Variants in PRDM1 observed in about 807,000 individuals in gnomAD.
The protein encoded by PRDM1 is PR/SET domain 1.
In PRDM1, 13 loss-of-function variants were observed where a neutral mutation model predicts 62.8. The ratio of observed to expected loss-of-function variants is 0.21; its 90% CI spans 0.13 to 0.33. The LOEUF is 0.33. Ranked by LOEUF, PRDM1 falls within the 10% of genes least tolerant of loss-of-function variation. PRDM1 has a pLI of 1.00. For missense variants in PRDM1, 895 were observed against 1,058.8 expected (o/e 0.85, Z 2.15); for synonymous variants, 396 against 417.6 (o/e 0.95, Z 0.63).
intron 4 of PRDM1, 99 bp downstream of exon 4, chr6:106,099,651 G>A: frequency 6.7e-7 from 1 of 1,488,192 alleles, no homozygotes; most frequent in South Asian, 1.3e-5. Context: ...GCTTTGTCAT[G>A]TGTTGGATGA....
At chr6:106,052,590 C>T (rs1773194970) in intron 1 of PRDM1, among the ~76,000 whole-genome samples, 1 of 152,086 alleles carries the variant, frequency 6.6e-6, no homozygotes, top group African/African-American at 2.4e-5. Context: ...GGAAGACAGA[C>T]TGTCTCCTTG....
chr6:106,100,551 T>C (rs1738097849), intron 4 of PRDM1: 1 of 152,224 alleles, frequency 6.6e-6, no homozygotes, highest in African/African-American at 2.4e-5. Flanking sequence ...GTTCTCATTT[T>C]CACCTTTGAG....
At chr6:106,002,500 G>A (rs942047690) in intron 1 of PRDM1, among the ~76,000 whole-genome samples, 8 of 152,006 alleles carry the variant, frequency 5.3e-5, no homozygotes, top group Non-Finnish European at 1.0e-4. Flanking sequence ...GGATTCTTTC[G>A]TCCTTAAGGC....
chr6:106,097,383 A>G (rs1168641412), intron 3 of PRDM1, among the ~76,000 whole-genome samples: 1 of 152,274 alleles, frequency 6.6e-6, no homozygotes, highest in East Asian at 1.9e-4. Flanking sequence ...ACTGTAAGTA[A>G]CTGAAAGGCT....
At chr6:106,048,829 A>AC in intron 1 of PRDM1, among the ~76,000 whole-genome samples, 1 of 145,990 alleles carries the variant, frequency 6.8e-6, no homozygotes, top group East Asian at 2.0e-4. Flanking sequence ...AATGCCTTCC[A>AC]TTTTTTTTTT....
At chr6:106,008,239 GGC>G in intron 1 of PRDM1, among the ~76,000 whole-genome samples, 1 of 152,278 alleles carries the variant, frequency 6.6e-6, no homozygotes, top group East Asian at 1.9e-4. Flanking sequence ...TGGGCGTGGT[GGC>G]GCGCGCCTGT....
chr6:106,094,779 T>C (rs377571551), intron 2 of PRDM1, among the ~76,000 whole-genome samples: 2 of 152,162 alleles, frequency 1.3e-5, no homozygotes, highest in East Asian at 1.9e-4. Flanking sequence ...GGTGCATGCC[T>C]GTAGTCCCAG....
At chr6:106,072,594 C>T (rs1773536172) in intron 1 of PRDM1, among the ~76,000 whole-genome samples, 1 of 152,248 alleles carries the variant, frequency 6.6e-6, no homozygotes, top group Admixed American at 6.5e-5. Context: ...CCTAATAAAA[C>T]TCAAGACCCG....
intron 1 of PRDM1, among the ~76,000 whole-genome samples, chr6:106,022,660 A>G (rs1403800756): frequency 2.0e-5 from 3 of 151,926 alleles, no homozygotes; most frequent in Non-Finnish European, 4.4e-5. Flanking sequence ...CCTGAGTTCA[A>G]GTGATCTGCC....
chr6:106,004,504 A>G (rs1225638749), intron 1 of PRDM1, among the ~76,000 whole-genome samples: 1 of 152,224 alleles, frequency 6.6e-6, no homozygotes, highest in African/African-American at 2.4e-5. Context: ...AAATATTTAC[A>G]GGCTGAAATA....
intron 1 of PRDM1, among the ~76,000 whole-genome samples, chr6:106,019,785 G>C (rs980580574): frequency 2.6e-5 from 4 of 151,532 alleles, no homozygotes; most frequent in African/African-American, 9.7e-5. Flanking sequence ...GAATACAGGC[G>C]CCCGCCACCA....
chr6:106,007,724 G>A (rs1240643999), intron 1 of PRDM1, among the ~76,000 whole-genome samples: 1 of 152,104 alleles, frequency 6.6e-6, no homozygotes, highest in African/African-American at 2.4e-5. Flanking sequence ...GTCCCTTGAG[G>A]TTAGCTAACA....
intron 1 of PRDM1, among the ~76,000 whole-genome samples, chr6:106,012,455 A>G (rs1412260155): frequency 2.0e-5 from 3 of 150,320 alleles, no homozygotes; most frequent in Non-Finnish European, 4.4e-5. Flanking sequence ...TCACATGCAT[A>G]TCACACCCCT....
chr6:106,091,868 T>G (rs1773970802), intron 2 of PRDM1, among the ~76,000 whole-genome samples: 1 of 151,976 alleles, frequency 6.6e-6, no homozygotes, highest in African/African-American at 2.4e-5. Context: ...AAAAATGAGG[T>G]GATTGCAGGC....
intron 1 of PRDM1, among the ~76,000 whole-genome samples, chr6:106,000,398 T>C (rs1247232181): frequency 6.6e-6 from 1 of 152,146 alleles, no homozygotes; most frequent in Non-Finnish European, 1.5e-5. Flanking sequence ...CTGTGAGCTA[T>C]GATAGTGCCT....
chr6:106,024,633 G>A (rs1238317780), intron 1 of PRDM1, among the ~76,000 whole-genome samples: 2 of 152,122 alleles, frequency 1.3e-5, no homozygotes, highest in Admixed American at 6.5e-5. Context: ...AGTCACATAA[G>A]ACAGTGTGGA....
At chr6:106,091,164 C>T (rs928419221) in intron 2 of PRDM1, among the ~76,000 whole-genome samples, 5 of 152,078 alleles carry the variant, frequency 3.3e-5, no homozygotes, top group East Asian at 3.8e-4. Flanking sequence ...ATTTTAGAAG[C>T]GTTACCCTGT....
At chr6:106,023,534 A>G (rs1772726269) in intron 1 of PRDM1, among the ~76,000 whole-genome samples, 1 of 152,142 alleles carries the variant, frequency 6.6e-6, no homozygotes, top group Admixed American at 6.5e-5. Flanking sequence ...CCCCTCCTCT[A>G]GGAAGCTTTA....
At chr6:106,009,183 G>A (rs1273475123) in intron 1 of PRDM1, among the ~76,000 whole-genome samples, 1 of 152,240 alleles carries the variant, frequency 6.6e-6, no homozygotes, top group Non-Finnish European at 1.5e-5. Flanking sequence ...GACAAAAGAT[G>A]TTTGAAGCAA....
Sources: allele counts gnomAD v4.1 joint callset (sites outside exome capture counted in the v4.1 genomes callset), GRCh38; gene constraint gnomAD v4.1.1; transcripts MANE v1.5; gene names NCBI Gene and HGNC (gene_info 2026-07-23, HGNC 2026-07-21).